Variants in DNAH9 observed in about 807,000 individuals in gnomAD.
The protein encoded by DNAH9 is DNAH9 variant protein.
In DNAH9, 345 loss-of-function variants were observed where a neutral mutation model predicts 471.6. The ratio of observed to expected loss-of-function variants is 0.73; its 90% CI spans 0.67 to 0.80. The LOEUF (loss-of-function observed/expected upper bound fraction) is 0.80, where lower values mean the gene tolerates loss of function less well. Ranked by LOEUF, DNAH9 falls within the 30% of genes least tolerant of loss-of-function variation. The pLI is 0.00. For missense variants in DNAH9, 5,407 were observed against 5,609.2 expected (o/e 0.96, Z 1.15); for synonymous variants, 2,093 against 2,123.6 (o/e 0.99, Z 0.40).
At chr17:11,693,835 G>A (rs1172818384) in intron 20 of DNAH9, 33 bp from the exon 21 acceptor site, 1 of 1,613,366 alleles carries the variant, frequency 6.2e-7, no homozygotes, top group Non-Finnish European at 8.5e-7. Context: ...TGAGTGGAGT[G>A]GTGGTTAATT....
chr17:11,934,902 TG>T (rs1974654638), intron 65 of DNAH9, among the ~76,000 whole-genome samples: 2 of 152,210 alleles, frequency 1.3e-5, no homozygotes, highest in South Asian at 4.1e-4. Context: ...TCCGTGTTGG[TG>T]GCTATGAACA....
intron 2 of DNAH9, among the ~76,000 whole-genome samples, chr17:11,608,529 G>A (rs1052463192): frequency 9.2e-5 from 14 of 152,204 alleles, no homozygotes; most frequent in Admixed American, 3.9e-4. Context: ...GCCACTGCAT[G>A]AAGTCTTCCA....
chr17:11,613,095 G>T (rs2072671032), intron 4 of DNAH9, among the ~76,000 whole-genome samples: 1 of 152,162 alleles, frequency 6.6e-6, no homozygotes, highest in Non-Finnish European at 1.5e-5. Context: ...AGTCTCTGAG[G>T]TCCTCCCTGA....
At chr17:11,625,437 G>C (rs1262684135) in intron 6 of DNAH9, among the ~76,000 whole-genome samples, 1 of 152,158 alleles carries the variant, frequency 6.6e-6, no homozygotes, top group African/African-American at 2.4e-5. Context: ...TGAATATGTG[G>C]TCACATAGGA....
intron 1 of DNAH9, among the ~76,000 whole-genome samples, chr17:11,600,191 C>T (rs531781777): frequency 6.6e-6 from 1 of 152,298 alleles, no homozygotes; most frequent in South Asian, 2.1e-4. Flanking sequence ...AAAGCCATCC[C>T]GCTGAAGCCT....
chr17:11,620,730 T>C (rs1042151185), intron 6 of DNAH9, among the ~76,000 whole-genome samples: 5 of 152,092 alleles, frequency 3.3e-5, no homozygotes, highest in South Asian at 2.1e-4. Context: ...AGACTGACAC[T>C]GAGCAAACCT....
In DNAH9 at chr17:11,834,863, A is replaced by G; in HGVS notation, c.9472A>G (p.Thr3158Ala). ...CCTGGCAAAGGCTGAGCCAGCACTC[A>G]CAGCAGCGCAGGCAGCTCTCAACAC... ...EDLAKAEPAL[T>A]AAQAALNTLN... The change falls in exon 49 of 69, where the codon ACA becomes GCA. Residue 3158 changes from threonine (T) to alanine (A), a missense_variant. By Grantham distance (58) the Thr-to-Ala change is moderately conservative (BLOSUM62 0). Coordinates refer to ENST00000262442, the MANE Select transcript of DNAH9 (RefSeq NM_001372.4). The G allele has an allele frequency of 1.2e-6, 2 of 1,613,722 alleles. No homozygotes were observed. Among genetic ancestry groups the G allele is most frequent in the Non-Finnish European group, 8.5e-7 (1 of 1,179,940 alleles).
At position 11,608,167 on chromosome 17, in the gene DNAH9, A is replaced by C. The variant is rs112017100; in HGVS notation, c.456A>C (p.Leu152=). ...TCCTGGCCAATGAGAAGAATCGCCT[A>C]AACTGGCCCCACATGATATGTGAGG... is the stretch of plus-strand genomic sequence containing the variant. ...LPVLANEKNR[L]NWPHMICEDV... is the part of the protein sequence containing the mutation. The change falls in exon 2 of 69, where the codon CTA becomes CTC. Residue 152 remains leucine, a synonymous_variant. Transcript: ENST00000262442. The C allele has an allele frequency of 1.1e-5, 18 of 1,612,440 alleles. No homozygotes were observed. The highest frequency in any genetic ancestry group is 8.0e-5 in the African/African-American group (6 of 75,054).
chr17:11,681,837 C>G (rs1260068313), intron 19 of DNAH9, among the ~76,000 whole-genome samples: 1 of 152,158 alleles, frequency 6.6e-6, no homozygotes, highest in Admixed American at 6.5e-5. Context: ...TGCACAGATG[C>G]TAGATTCAGG....
chr17:11,828,860 T>C (rs929713213), intron 48 of DNAH9, among the ~76,000 whole-genome samples: 7 of 152,218 alleles, frequency 4.6e-5, no homozygotes, highest in Non-Finnish European at 8.8e-5. Flanking sequence ...CACTCCTGAA[T>C]ATATCAAGCT....
intron 61 of DNAH9, among the ~76,000 whole-genome samples, chr17:11,912,016 T>A (rs762226350): frequency 6.6e-6 from 1 of 152,128 alleles, no homozygotes; most frequent in Admixed American, 6.6e-5. Context: ...TCTTTTATCA[T>A]TATATGTTCT....
At chr17:11,779,680 TAGA>T (rs1012769550) in intron 38 of DNAH9, among the ~76,000 whole-genome samples, 12 of 152,326 alleles carry the variant, frequency 7.9e-5, no homozygotes, top group African/African-American at 2.9e-4. Context: ...AATTTCCTAT[TAGA>T]AGAACTGTTC....
intron 55 of DNAH9, among the ~76,000 whole-genome samples, 159 bp downstream of exon 55, chr17:11,881,572 A>G (rs959451794): frequency 6.6e-5 from 10 of 152,152 alleles, no homozygotes; most frequent in Non-Finnish European, 1.2e-4. Context: ...TGGGAATACC[A>G]TACTGGGGAA....
intron 26 of DNAH9, 109 bp downstream of exon 26, chr17:11,705,294 C>T (rs2074681069): frequency 2.1e-6 from 2 of 959,092 alleles, no homozygotes; most frequent in Admixed American, 2.1e-5. Context: ...CATAGAGCTA[C>T]AGGGAAAGGG....
At chr17:11,798,770 T>C (rs1969348286) in intron 43 of DNAH9, among the ~76,000 whole-genome samples, 1 of 152,152 alleles carries the variant, frequency 6.6e-6, no homozygotes, top group South Asian at 2.1e-4. Context: ...TTCTAACTGA[T>C]ACCTGACTGA....
At chr17:11,769,094 T>A (rs754806032) in intron 37 of DNAH9, 28 bp from the exon 38 acceptor site, 2 of 1,612,294 alleles carry the variant, frequency 1.2e-6, no homozygotes, top group Non-Finnish European at 1.7e-6. Flanking sequence ...AGCCCACCCT[T>A]GGCAGGCTTA....
chr17:11,617,041 T>G (rs1374850051), intron 4 of DNAH9, among the ~76,000 whole-genome samples: 1 of 152,210 alleles, frequency 6.6e-6, no homozygotes, highest in Non-Finnish European at 1.5e-5. Flanking sequence ...CCCAAAGTCA[T>G]ACAATTGCCA....
chr17:11,874,927 G>C, intron 52 of DNAH9, 22 bp from the exon 53 acceptor site: 2 of 1,549,794 alleles, frequency 1.3e-6, no homozygotes, highest in Non-Finnish European at 8.9e-7. Flanking sequence ...CTGAGCGTGG[G>C]GTGGTGTTTC....
intron 14 of DNAH9, among the ~76,000 whole-genome samples, chr17:11,659,933 A>G (rs1028459408): frequency 2.6e-5 from 4 of 152,212 alleles, no homozygotes; most frequent in Non-Finnish European, 4.4e-5. Flanking sequence ...TTATGTGTCT[A>G]TGGGATCTGT....
Sources: allele counts gnomAD v4.1 joint callset (sites outside exome capture counted in the v4.1 genomes callset), GRCh38; gene constraint gnomAD v4.1.1; transcripts MANE v1.5; gene names NCBI Gene and HGNC (gene_info 2026-07-23, HGNC 2026-07-21).